Variants in TCERG1 observed in about 807,000 individuals in gnomAD.
The protein encoded by TCERG1 is TATA box binding protein (TBP)-associated factor, RNA polymerase II, S, 150kD.
TCERG1 carries 37 observed loss-of-function variants against 144.7 expected under a neutral mutation model. That is an observed-to-expected ratio of 0.26 (90% CI 0.20 to 0.34). The LOEUF (loss-of-function observed/expected upper bound fraction) is 0.34, where lower values mean the gene tolerates loss of function less well. Ranked by LOEUF, TCERG1 falls within the 10% of genes least tolerant of loss-of-function variation. TCERG1 has a pLI of 1.00. For missense variants in TCERG1, 1,027 were observed against 1,380.7 expected (o/e 0.74, Z 4.06); for synonymous variants, 492 against 458.2 (o/e 1.07, Z -0.94).
intron 16 of TCERG1, 119 bp downstream of exon 16, chr5:146,493,157 A>C (rs1766581313): frequency 1.4e-6 from 1 of 729,474 alleles, no homozygotes; most frequent in Non-Finnish European, 2.2e-6. Flanking sequence ...TCCTTATTTG[A>C]TTATCGGTTT....
At position 146,457,348 on chromosome 5, in the gene TCERG1, A is replaced by C. The variant is rs1260203876; in HGVS notation, c.438+13A>C. ...TCCAGATGGGAAGGTAAATAATAAAATATATTTAAGTTGTCATTTGTTGAC... is the reference window on the plus strand; with the variant it reads ...TCCAGATGGGAAGGTAAATAATAAACTATATTTAAGTTGTCATTTGTTGAC... On this transcript the variant is annotated intron_variant, in intron 3 of 22. Coordinates refer to ENST00000679501, the MANE Select transcript of TCERG1 (RefSeq NM_001382548.1). 6.3e-7 allele frequency: 1 copy of C among 1,599,070 alleles called. No individual in the cohort carries two copies. The highest frequency in any genetic ancestry group is 8.5e-7 in the Non-Finnish European group (1 of 1,171,960).
At chr5:146,510,318 T>TAAAAAAA in intron 22 of TCERG1, 123 bp from the exon 23 acceptor site, 2 of 550,762 alleles carry the variant, frequency 3.6e-6, no homozygotes, top group Non-Finnish European at 5.7e-6. Flanking sequence ...AAATTTTTCT[T>TAAAAAAA]AAAAAAAAAA....
chr5:146,477,692 CTTTTTTT>C (rs1168989847), intron 9 of TCERG1, among the ~76,000 whole-genome samples: 3 of 79,388 alleles, frequency 3.8e-5, no homozygotes, highest in African/African-American at 1.5e-4. Context: ...TGGTACTTTA[CTTTTTTT>C]TTTTTTTTTT....
In TCERG1 at chr5:146,455,271, C is replaced by T. The variant is rs1301694152; in HGVS notation, c.275C>T (p.Pro92Leu). ...GGGATACCTCCACCTATGGGCCCTC[C>T]ACACCTCCAGGTAAAGAATGTAGAG... Reference protein sequence around the residue: ...PGGIPPPMGPPHLQRPPFMPP... With the variant: ...PGGIPPPMGPLHLQRPPFMPP... The change falls in exon 2 of 23, where the codon CCA becomes CTA. Residue 92 changes from proline (P) to leucine (L), a missense_variant. Pro to Leu is a moderately conservative substitution (Grantham distance 98). Around this residue, in one of 6 missense-constraint regions of TCERG1, gnomAD observed 175 missense variants for 197.0 expected, o/e 0.89. Transcript: ENST00000679501. 4 of 1,614,086 alleles carry T rather than the reference C, an allele frequency of 2.5e-6. No homozygotes were observed. Among genetic ancestry groups the T allele is most frequent in the African/African-American group, 1.3e-5 (1 of 74,940 alleles).
chr5:146,494,385 A>G (rs1424006109), intron 16 of TCERG1, among the ~76,000 whole-genome samples: 1 of 152,184 alleles, frequency 6.6e-6, no homozygotes, highest in Non-Finnish European at 1.5e-5. Flanking sequence ...TTAAAACTCC[A>G]TATGGGTCTG....
chr5:146,509,773 CA>C (rs1407753510), intron 22 of TCERG1, among the ~76,000 whole-genome samples: 3 of 152,080 alleles, frequency 2.0e-5, no homozygotes, highest in Non-Finnish European at 2.9e-5. Flanking sequence ...TTCTCTGTAG[CA>C]AACCCAACAG....
intron 16 of TCERG1, among the ~76,000 whole-genome samples, chr5:146,498,162 A>G (rs888811608): frequency 3.9e-5 from 6 of 152,138 alleles, no homozygotes; most frequent in Admixed American, 6.6e-5. Context: ...ATAGTTGTGT[A>G]TGGAGAGCTA....
intron 3 of TCERG1, among the ~76,000 whole-genome samples, chr5:146,458,091 C>G (rs1345820938): frequency 6.6e-6 from 1 of 152,132 alleles, no homozygotes; most frequent in Non-Finnish European, 1.5e-5. Context: ...CTCAGGTAAT[C>G]CCACCCGCCT....
rs140725011 is a variant in TCERG1, at chr5:146,455,065, A to G, written c.69A>G (p.Gln23=). 7 of 1,614,128 alleles carry G rather than the reference A, an allele frequency of 4.3e-6. 1 individual carries two copies. The Admixed American group carries it at 6.7e-5, about 15-fold the overall frequency. Residue 23 remains glutamine (Q), a synonymous_variant, in exon 2 of 23, where the codon CAA becomes CAG. Coordinates refer to ENST00000679501, the MANE Select transcript of TCERG1 (RefSeq NM_001382548.1). ...TTGCTTTCCCATGCAGGATGGCCCA[A>G]CAGCAGGCCTTGAGGTTCCGAGGTC... ...RFNPGELRMA[Q]QQALRFRGPA... is the part of the protein sequence containing the mutation.
chr5:146,491,446 A>G (rs973166735), intron 15 of TCERG1, among the ~76,000 whole-genome samples: 38 of 152,170 alleles, frequency 2.5e-4, no homozygotes, highest in African/African-American at 8.9e-4. Context: ...GGATGCTGGT[A>G]TACATCTTGC....
At chr5:146,498,469 C>G in intron 16 of TCERG1, 67 bp from the exon 17 acceptor site, 1 of 1,501,136 alleles carries the variant, frequency 6.7e-7, no homozygotes, top group Non-Finnish European at 8.9e-7. Context: ...AAAATGGTAT[C>G]TTCTGCTATG....
At chr5:146,491,934 G>A (rs1364969813) in intron 15 of TCERG1, among the ~76,000 whole-genome samples, 1 of 149,536 alleles carries the variant, frequency 6.7e-6, no homozygotes, top group Non-Finnish European at 1.5e-5. Context: ...GTTTTCATGT[G>A]TCATGAAACT....
intron 19 of TCERG1, among the ~76,000 whole-genome samples, chr5:146,504,864 T>C (rs1456638411): frequency 6.6e-6 from 1 of 152,082 alleles, no homozygotes; most frequent in Non-Finnish European, 1.5e-5. Context: ...CTGGCCAACA[T>C]GGCGAAACCC....
At chr5:146,457,038 A>G in intron 2 of TCERG1, 145 bp from the exon 3 acceptor site, 1 of 1,013,142 alleles carries the variant, frequency 9.9e-7, no homozygotes, top group Non-Finnish European at 1.4e-6. Flanking sequence ...TTTGTTGCAG[A>G]CATTTTGCTT....
At chr5:146,465,484 A>T (rs190753357) in intron 5 of TCERG1, among the ~76,000 whole-genome samples, 38 of 152,260 alleles carry the variant, frequency 2.5e-4, no homozygotes, top group African/African-American at 8.9e-4. Context: ...CTTCATTTTG[A>T]TGTCATATTT....
rs760840255 is a variant in TCERG1, at chr5:146,471,536, G to A, written c.1561G>A (p.Ala521Thr). Residue 521 changes from alanine to threonine, a missense_variant, in exon 9 of 23, where the codon GCA becomes ACA. Physicochemically the swap from Ala to Thr is moderately conservative, Grantham distance 58. Coordinates refer to ENST00000679501, the MANE Select transcript of TCERG1 (RefSeq NM_001382548.1). ...MTEEEKAAQK[A>T]KPVATAPIPG... ...TGAAGAAGAAAAGGCTGCCCAGAAG[G>A]CAAAGCCAGTTGCTACTGCTCCTAT... 2.5e-6 allele frequency: 4 copies of A among 1,613,802 alleles called. No homozygotes were observed. Among genetic ancestry groups the A allele is most frequent in the Admixed American group, 1.7e-5 (1 of 59,988 alleles).
At chr5:146,468,197 CAG>C (rs1581431704) in intron 5 of TCERG1, 142 bp from the exon 6 acceptor site, 3 of 609,032 alleles carry the variant, frequency 4.9e-6, no homozygotes, top group East Asian at 6.6e-5. Flanking sequence ...AAATGTCAAA[CAG>C]AAAGAAATTT....
At chr5:146,471,457 A>G (rs527740132) in intron 8 of TCERG1, 31 bp from the exon 9 acceptor site, 2 of 1,588,590 alleles carry the variant, frequency 1.3e-6, no homozygotes, top group Admixed American at 1.8e-5. Flanking sequence ...TGTTAATGTG[A>G]TACTAATTAG....
rs750693688 is a variant in TCERG1, at chr5:146,482,702, T to A, written c.2048T>A (p.Phe683Tyr). The change falls in exon 14 of 23, where the codon TTC becomes TAC. Residue 683 changes from phenylalanine to tyrosine, a missense_variant. By Grantham distance (22) the Phe-to-Tyr change is conservative. Around this residue, in one of 6 missense-constraint regions of TCERG1, gnomAD observed 482 missense variants for 632.6 expected, o/e 0.76. Transcript: ENST00000679501. Reference sequence around the variant, plus strand: ...CCTCTGGAGGCTCGAATGAAGCAGTTCAAGGACATGCTGCTAGAGAGAGGG... The same window carrying A: ...CCTCTGGAGGCTCGAATGAAGCAGTACAAGGACATGCTGCTAGAGAGAGGG... ...IVPLEARMKQ[F>Y]KDMLLERGVS... is the part of the protein sequence containing the mutation. 6.2e-7 allele frequency: 1 copy of A among 1,612,614 alleles called. No homozygotes were observed. Among genetic ancestry groups the A allele is most frequent in the South Asian group, 1.1e-5 (1 of 90,952 alleles).
Sources: allele counts gnomAD v4.1 joint callset (sites outside exome capture counted in the v4.1 genomes callset), GRCh38; gene constraint gnomAD v4.1.1; regional missense constraint gnomAD v4.1.1; transcripts MANE v1.5; gene names NCBI Gene and HGNC (gene_info 2026-07-23, HGNC 2026-07-21).